The following CREBBP variants were observed in gnomAD, a reference collection of about 807,000 sequenced individuals.
CREBBP encodes CREB-binding protein.
In CREBBP, 19 loss-of-function variants were observed where a neutral mutation model predicts 265.0. The observed-to-expected ratio is 0.07, with a 90% confidence interval of 0.05 to 0.11. CREBBP has a LOEUF of 0.11. Among genes scored for constraint, CREBBP ranks in the 10% least tolerant of loss-of-function variants. The pLI is 1.00. For missense variants in CREBBP, 2,525 were observed against 3,219.0 expected (o/e 0.78, Z 5.22); for synonymous variants, 1,457 against 1,223.7 (o/e 1.19, Z -3.98).
intron 21 of CREBBP, chr16:3,745,568 G>C: frequency 1.7e-6 from 1 of 579,746 alleles, no homozygotes; most frequent in Non-Finnish European, 3.1e-6. Context: ...TTGTACAAGC[G>C]CTTCATTCCT....
At chr16:3,824,409 T>C (rs950950252) in intron 2 of CREBBP, among the ~76,000 whole-genome samples, 5 of 152,244 alleles carry the variant, frequency 3.3e-5, no homozygotes, top group Non-Finnish European at 7.3e-5. Context: ...TGCAGCCACC[T>C]GGCTGGGGGT....
intron 2 of CREBBP, among the ~76,000 whole-genome samples, chr16:3,838,477 T>C (rs73503917): frequency 2.0e-3 from 312 of 152,326 alleles, no homozygotes; most frequent in African/African-American, 7.2e-3. Context: ...AAAATCTTCA[T>C]TGTTGTTATT....
intron 2 of CREBBP, among the ~76,000 whole-genome samples, chr16:3,849,446 T>TGTGTGTGTGTGTGTGTGTG (rs2054768327): frequency 5.9e-5 from 2 of 33,690 alleles, no homozygotes; most frequent in East Asian, 1.9e-3. Context: ...TGTGTGTGTG[T>TGTGTGTGTGTGTGTGTGTG]GTGTGTGTGT....
intron 2 of CREBBP, among the ~76,000 whole-genome samples, chr16:3,847,751 TAGC>T (rs1327159556): frequency 6.6e-6 from 1 of 152,158 alleles, no homozygotes; most frequent in Non-Finnish European, 1.5e-5. Context: ...CCAGGATAAA[TAGC>T]AGACAACAAC....
In CREBBP at chr16:3,850,667, G is replaced by C. The variant is rs2054813624; in HGVS notation, c.428C>G (p.Pro143Arg). The change falls in exon 2 of 31, where the codon CCC becomes CGC. Residue 143 changes from proline (P) to arginine (R), a missense_variant. Transcript: ENST00000262367. ...CAGTGCTTGGGAGGCAGCGGGGGTG[G>C]GCCCAGAGGTGCTGGCTGCCTGTTT... is the stretch of plus-strand genomic sequence containing the variant. ...LPKQAASTSG[P>R]TPAASQALNP... 1.2e-6 allele frequency: 2 copies of C among 1,614,162 alleles called. No individual in the cohort carries two copies. The highest frequency in any genetic ancestry group is 1.3e-5 in the African/African-American group (1 of 75,056).
intron 16 of CREBBP, among the ~76,000 whole-genome samples, chr16:3,766,940 A>T (rs972834124): frequency 6.6e-6 from 1 of 151,912 alleles, no homozygotes; most frequent in Non-Finnish European, 1.5e-5. Flanking sequence ...TGTACTCCAC[A>T]CTCTCCAGGG....
intron 1 of CREBBP, among the ~76,000 whole-genome samples, chr16:3,874,305 C>T (rs1325557978): frequency 6.6e-6 from 1 of 152,216 alleles, no homozygotes; most frequent in East Asian, 1.9e-4. Context: ...CTCTCCCGGG[C>T]TCCACATCAT....
At chr16:3,822,913 G>T (rs758524281) in intron 2 of CREBBP, among the ~76,000 whole-genome samples, 8 of 152,174 alleles carry the variant, frequency 5.3e-5, no homozygotes, top group African/African-American at 1.9e-4. Context: ...GCCTTGTTTC[G>T]AGAGAATACA....
At chr16:3,822,710 T>G (rs1048423324) in intron 2 of CREBBP, among the ~76,000 whole-genome samples, 1 of 152,226 alleles carries the variant, frequency 6.6e-6, no homozygotes, top group Non-Finnish European at 1.5e-5. Flanking sequence ...CAAAGATATA[T>G]TGTTATCAAA....
At chr16:3,741,704 C>G (rs983635925) in intron 23 of CREBBP, 1 of 152,094 alleles carries the variant, frequency 6.6e-6, no homozygotes, top group Non-Finnish European at 1.5e-5. Flanking sequence ...CTTTGGGAGG[C>G]TGAGGCGAGT....
Position 3,761,500 on chromosome 16 carries a change from C to T in CREBBP, c.3251-2528G>A. The T allele has an allele frequency of 3.9e-6, 2 of 517,534 alleles. 1 individual carries two copies. The highest frequency in any genetic ancestry group is 3.9e-5 in the Admixed American group (2 of 51,228). The allele number at this position is 517,534 out of a possible 1,614,324, so 32.1% of individuals were successfully genotyped here. A position where few individuals can be genotyped will look rare whatever the true frequency, so the allele number is the denominator to read the frequency against. On this transcript the variant is annotated intron_variant, in intron 16 of 30. Coordinates refer to ENST00000262367, the MANE Select transcript of CREBBP (RefSeq NM_004380.3). ...AAAACCCATGTGTTTAACAGGCTCA[C>T]TTTAGAGATGAAAACAGGCGCACCA...
chr16:3,794,306 T>C (rs2053563600), intron 3 of CREBBP, among the ~76,000 whole-genome samples: 2 of 110,830 alleles, frequency 1.8e-5, no homozygotes, highest in South Asian at 6.4e-4. Context: ...CACTCCAGCC[T>C]GGGCGACAGA....
chr16:3,844,757 C>G lies in CREBBP; in HGVS notation c.798+5540G>C, dbSNP rs187749703. 9.9e-5 allele frequency among the ~76,000 whole-genome samples: 15 copies of G among 152,220 alleles called. No individual in the cohort carries two copies. In the East Asian group the frequency reaches 1.4e-3, roughly 14 times the overall value. ...AATTAAGATAACCCCATAAAGCAGC[C>G]AGATTACCAGAGTAGCGTATACATA... is the stretch of plus-strand genomic sequence containing the variant. On this transcript the variant is annotated intron_variant, in intron 2 of 30. Transcript: ENST00000262367.
intron 16 of CREBBP, among the ~76,000 whole-genome samples, chr16:3,762,565 T>C (rs2052747091): frequency 6.6e-6 from 1 of 151,926 alleles, no homozygotes; most frequent in Non-Finnish European, 1.5e-5. Context: ...CAGGAGTGTA[T>C]GTGAACTGCG....
At chr16:3,789,004 A>G (rs543640487) in intron 5 of CREBBP, among the ~76,000 whole-genome samples, 14 of 152,352 alleles carry the variant, frequency 9.2e-5, no homozygotes, top group Middle Eastern at 3.4e-3. Flanking sequence ...AAGGTAATCA[A>G]TGGTCTGGGC....
At chr16:3,823,142 T>C (rs1187543250) in intron 2 of CREBBP, among the ~76,000 whole-genome samples, 1 of 152,254 alleles carries the variant, frequency 6.6e-6, no homozygotes, top group Non-Finnish European at 1.5e-5. Flanking sequence ...TCTGGATGGC[T>C]TGTAAGCAAA....
chr16:3,759,685 A>G (rs944910133), intron 16 of CREBBP, among the ~76,000 whole-genome samples: 4 of 152,194 alleles, frequency 2.6e-5, no homozygotes, highest in Non-Finnish European at 5.9e-5. Context: ...ACTGGAGACA[A>G]ACGGTTTTGA....
intron 2 of CREBBP, among the ~76,000 whole-genome samples, chr16:3,839,913 AT>A (rs2054534502): frequency 2.0e-5 from 3 of 152,224 alleles, no homozygotes; most frequent in Non-Finnish European, 2.9e-5. Flanking sequence ...ATTAATTATC[AT>A]GGGAAGGTAG....
At chr16:3,843,041 G>A (rs1330717456) in intron 2 of CREBBP, among the ~76,000 whole-genome samples, 2 of 142,484 alleles carry the variant, frequency 1.4e-5, no homozygotes, top group Non-Finnish European at 3.0e-5. Flanking sequence ...AAATGACAAA[G>A]AACTGCACAC....
Sources: allele counts gnomAD v4.1 joint callset (sites outside exome capture counted in the v4.1 genomes callset), GRCh38; gene constraint gnomAD v4.1.1; transcripts MANE v1.5; gene names NCBI Gene and HGNC (gene_info 2026-07-23, HGNC 2026-07-21).